Variants in USP34 observed in about 807,000 individuals in gnomAD.
USP34 encodes ubiquitin carboxyl-terminal hydrolase 34.
USP34 carries 70 observed loss-of-function variants against 460.3 expected under a neutral mutation model. The ratio of observed to expected loss-of-function variants is 0.15; its 90% confidence interval spans 0.13 to 0.19. The LOEUF (loss-of-function observed/expected upper bound fraction) is 0.19, where lower values mean the gene tolerates loss of function less well. USP34 is among the 10% of genes least tolerant of loss of function. USP34 has a pLI of 1.00. For missense variants in USP34, 3,985 were observed against 4,236.2 expected (o/e 0.94, Z 1.65); for synonymous variants, 1,647 against 1,405.3 (o/e 1.17, Z -3.85).
In USP34 at chr2:61,405,744, A is replaced by G; in HGVS notation, c.516T>C (p.Tyr172=). 1 of 1,592,762 alleles carries G rather than the reference A, an allele frequency of 6.3e-7. No homozygotes were observed. Among genetic ancestry groups the G allele is most frequent in the Non-Finnish European group, 8.5e-7 (1 of 1,172,200 alleles). The change falls in exon 3 of 80, where the codon TAT becomes TAC. Residue 172 remains tyrosine, a synonymous_variant. Transcript: ENST00000398571. ...AKIFQIQFPL[Y]TAYKHNTHPT... is the part of the protein sequence containing the mutation. The stretch of plus-strand genomic sequence containing the variant: ...GGTGAGTATTATGCTTGTAAGCAGT[A>G]TATAAGGGAAACTGAATTTGAAAAA...
intron 67 of USP34, among the ~76,000 whole-genome samples, chr2:61,217,195 G>C (rs1687428653): frequency 6.6e-6 from 1 of 152,164 alleles, no homozygotes; most frequent in South Asian, 2.1e-4. Context: ...GAACAGACAG[G>C]AAGGTTAATT....
chr2:61,289,899 A>C (rs1245471978), intron 33 of USP34, among the ~76,000 whole-genome samples: 2 of 152,136 alleles, frequency 1.3e-5, no homozygotes, highest in African/African-American at 4.8e-5. Context: ...TACAAATTTC[A>C]TTAAAATTAA....
intron 1 of USP34, among the ~76,000 whole-genome samples, chr2:61,439,196 G>C (rs1357327914): frequency 6.6e-6 from 1 of 152,208 alleles, no homozygotes. Flanking sequence ...ACGATTACTT[G>C]AGCTCAGCAG....
In USP34 at chr2:61,214,209, GCAC is replaced by G. The variant is rs1687343198; in HGVS notation, c.8530_8532del (p.Val2844del). On this transcript the variant is annotated inframe_deletion, in exon 68 of 80. Coordinates refer to ENST00000398571, the MANE Select transcript of USP34 (RefSeq NM_014709.4). ...GCTGGCAGCATCCCACGGTTAAAAA[GCAC>G]CACATCCTGATCATCATGGTCAGCA... 6.2e-7 allele frequency: 1 copy of G among 1,614,058 alleles called. No individual in the cohort carries two copies. Among genetic ancestry groups the G allele is most frequent in the African/African-American group, 1.3e-5 (1 of 74,900 alleles).
chr2:61,343,157 G>T (rs1691658352), intron 16 of USP34, among the ~76,000 whole-genome samples: 1 of 152,230 alleles, frequency 6.6e-6, no homozygotes, highest in African/African-American at 2.4e-5. Flanking sequence ...GCCAGCATAT[G>T]TTGATGATAC....
In USP34 at chr2:61,214,446, T is replaced by G; in HGVS notation, c.8296A>C (p.Lys2766Gln). Residue 2766 changes from lysine to glutamine, a missense_variant, in exon 68 of 80, where the codon AAA becomes CAA. Lys to Gln is a moderately conservative substitution (Grantham distance 53, BLOSUM62 1). Coordinates refer to ENST00000398571, the MANE Select transcript of USP34 (RefSeq NM_014709.4). Reference sequence around the variant, plus strand: ...GTGGAAAACATCAGCTTCTCAGTTTTGGAAATTAAACAGTAAGTCATAAAG... The same window carrying G: ...GTGGAAAACATCAGCTTCTCAGTTTGGGAAATTAAACAGTAAGTCATAAAG... ...FSFMTYCLIS[K>Q]TEKLMFSTYF... 6.2e-7 allele frequency: 1 copy of G among 1,614,200 alleles called. No individual in the cohort carries two copies. The highest frequency in any genetic ancestry group is 2.2e-5 in the East Asian group (1 of 44,892).
chr2:61,193,091 T>G (rs1380122085), intron 75 of USP34, 111 bp from the exon 76 acceptor site: 2 of 829,664 alleles, frequency 2.4e-6, no homozygotes, highest in East Asian at 5.5e-5. Flanking sequence ...CTGCATATTT[T>G]CTATATTTTA....
In USP34 at chr2:61,284,606, A is replaced by G. The variant is rs187520157; in HGVS notation, c.4832+269T>C. On this transcript the variant is annotated intron_variant, in intron 35 of 79. Coordinates refer to ENST00000398571, the MANE Select transcript of USP34 (RefSeq NM_014709.4). ...TCCTTGGTCTTAGGAGATACACAAC[A>G]AAGTACTGGTGAACAGTCATGATAT... is the stretch of plus-strand genomic sequence containing the variant. Among the ~76,000 whole-genome samples, 330 of 152,316 alleles carry G rather than the reference A, an allele frequency of 2.2e-3. 1 individual carries two copies. Among genetic ancestry groups the G allele is most frequent in the African/African-American group, 7.4e-3 (306 of 41,570 alleles).
chr2:61,342,217 G>T (rs1234666119), intron 16 of USP34, among the ~76,000 whole-genome samples: 1 of 150,514 alleles, frequency 6.6e-6, no homozygotes, highest in Admixed American at 6.6e-5. Context: ...CAATAGGTAT[G>T]TAGTAGTGCC....
At chr2:61,225,238 C>A (rs1055729165) in intron 62 of USP34, among the ~76,000 whole-genome samples, 2 of 151,976 alleles carry the variant, frequency 1.3e-5, no homozygotes, top group African/African-American at 4.8e-5. Flanking sequence ...CTTTCTTTTG[C>A]TGAAAATCTT....
rs907692922 is a variant in USP34, at chr2:61,220,224, G to T, written c.8047+86C>A. The T allele has an allele frequency of 6.5e-6, 7 of 1,083,534 alleles. No homozygotes were observed. The South Asian group carries it at 1.1e-4, about 17-fold the overall frequency. The allele number at this position is 1,083,534 out of a possible 1,614,324, so 67.1% of individuals were successfully genotyped here. A position where few individuals can be genotyped will look rare whatever the true frequency, so the allele number is the denominator to read the frequency against. On this transcript the variant is annotated intron_variant, in intron 67 of 79. Transcript: ENST00000398571. Reference sequence around the variant, plus strand: ...AGAATTTCGTAGTATACAACAATGGGCATGTCGTAGTTGCCTAAAAACAAA... The same window carrying T: ...AGAATTTCGTAGTATACAACAATGGTCATGTCGTAGTTGCCTAAAAACAAA...
At chr2:61,449,090 G>A (rs1184754199) in intron 1 of USP34, among the ~76,000 whole-genome samples, 1 of 152,100 alleles carries the variant, frequency 6.6e-6, no homozygotes, top group Admixed American at 6.6e-5. Flanking sequence ...CTGGGAGGTG[G>A]ATGTTGCGGT....
chr2:61,379,377 GGGTGTTGT>G (rs1220458006), intron 7 of USP34, among the ~76,000 whole-genome samples: 20 of 152,210 alleles, frequency 1.3e-4, no homozygotes, highest in Non-Finnish European at 5.9e-5. Context: ...AAAATTAGCT[GGGTGTTGT>G]GGCGCACACC....
At chr2:61,320,783 G>C (rs1690894435) in intron 21 of USP34, among the ~76,000 whole-genome samples, 1 of 152,208 alleles carries the variant, frequency 6.6e-6, no homozygotes, top group Non-Finnish European at 1.5e-5. Context: ...GACGAGGTGG[G>C]TGGATCACCA....
At chr2:61,266,234 T>C (rs931809408) in intron 41 of USP34, 67 bp from the exon 42 acceptor site, 5 of 1,419,622 alleles carry the variant, frequency 3.5e-6, no homozygotes, top group Non-Finnish European at 2.9e-6. Flanking sequence ...ATAGTTAACA[T>C]ATACACAGGA....
At chr2:61,442,910 C>T (rs1443815583) in intron 1 of USP34, among the ~76,000 whole-genome samples, 1 of 151,156 alleles carries the variant, frequency 6.6e-6, no homozygotes, top group Admixed American at 6.7e-5. Flanking sequence ...CACACACACA[C>T]ACACACACAC....
At position 61,278,243 on chromosome 2, in the gene USP34, A is replaced by G. The variant is rs1689431420; in HGVS notation, c.5355T>C (p.Asp1785=). 2 of 1,613,672 alleles carry G rather than the reference A, an allele frequency of 1.2e-6. No homozygotes were observed. The highest frequency in any genetic ancestry group is 3.3e-5 in the Admixed American group (2 of 59,962). ...LDHQDGNVED[D]GLTGLLRLAT... ...CAAGCCTTAGGAGTCCTGTAAGCCC[A>G]TCATCTTCTACATTACCATCCTGAT... Residue 1785 remains aspartate, a synonymous_variant, in exon 41 of 80, where the codon GAT becomes GAC. Transcript: ENST00000398571.
At chr2:61,392,124 G>A (rs1693366201) in intron 5 of USP34, among the ~76,000 whole-genome samples, 2 of 152,094 alleles carry the variant, frequency 1.3e-5, no homozygotes, top group South Asian at 2.1e-4. Context: ...ATTTAGTAAA[G>A]GATAACTTCA....
intron 5 of USP34, among the ~76,000 whole-genome samples, chr2:61,387,952 CACACACATAT>C (rs1247569448): frequency 1.1e-4 from 16 of 147,682 alleles, no homozygotes; most frequent in African/African-American, 2.5e-4. Flanking sequence ...CACACACACA[CACACACATAT>C]ATATATATAA....
Sources: gnomAD v4.1 joint callset for allele counts (sites outside exome capture counted in the v4.1 genomes callset) on GRCh38, gnomAD v4.1.1 for gene constraint, MANE v1.5 for transcripts, NCBI Gene and HGNC (gene_info 2026-07-23, HGNC 2026-07-21) for gene names.